LSAMP: variants seen among roughly 807,000 people sequenced by gnomAD.
The protein encoded by LSAMP is limbic system-associated membrane protein.
Under a neutral mutation model 38.6 loss-of-function variants are expected in LSAMP, and 7 were observed. That is an observed-to-expected ratio of 0.18 (90% CI 0.10 to 0.34). The LOEUF (loss-of-function observed/expected upper bound fraction) is 0.34. Among genes scored for constraint, LSAMP ranks in the 10% least tolerant of loss-of-function variants. The pLI is 1.00. For missense variants in LSAMP, 313 were observed against 420.0 expected (o/e 0.75, Z 2.23); for synonymous variants, 154 against 166.8 (o/e 0.92, Z 0.59).
chr3:116,214,482 A>G (rs1333350711), intron 1 of LSAMP, among the ~76,000 whole-genome samples: 1 of 151,272 alleles, frequency 6.6e-6, no homozygotes, highest in African/African-American at 2.4e-5. Context: ...GCCCTCAAAT[A>G]AAGAGTAAAA....
chr3:115,973,924 A>G (rs1420785096), intron 3 of LSAMP, among the ~76,000 whole-genome samples: 5 of 152,192 alleles, frequency 3.3e-5, no homozygotes, highest in African/African-American at 4.8e-5. Flanking sequence ...TGAATTTTGA[A>G]TTTTTGAATT....
At chr3:115,930,008 T>TTG (rs1937556162) in intron 3 of LSAMP, among the ~76,000 whole-genome samples, 1 of 136,472 alleles carries the variant, frequency 7.3e-6, no homozygotes, top group African/African-American at 2.7e-5. Flanking sequence ...AGAAGTTTTT[T>TTG]TTTTTTTTTT....
In LSAMP at chr3:115,804,106, T is replaced by G. The variant is rs1933576930; in HGVS notation, c.*6211A>C. ...CCTTCTCTACACTGCTATAAAGTTT[T>G]GATCAGAAAAAATTTACAGACCCAG... On this transcript the variant is annotated 3_prime_UTR_variant, in exon 7 of 7. Coordinates refer to ENST00000490035, the MANE Select transcript of LSAMP (RefSeq NM_002338.5). 2 of 152,208 alleles carry G rather than the reference T, an allele frequency of 1.3e-5. No individual in the cohort carries two copies. The highest frequency in any genetic ancestry group is 2.9e-5 in the Non-Finnish European group (2 of 68,028). The allele number at this position is 152,208 out of a possible 1,614,324, so 9.4% of individuals were successfully genotyped here.
At chr3:116,303,079 C>T (rs2047436082) in intron 1 of LSAMP, among the ~76,000 whole-genome samples, 2 of 151,278 alleles carry the variant, frequency 1.3e-5, no homozygotes, top group African/African-American at 4.8e-5. Context: ...AATTAATGTG[C>T]ACCCATGAAT....
chr3:115,968,901 C>G (rs899176061), intron 3 of LSAMP, among the ~76,000 whole-genome samples: 1 of 152,200 alleles, frequency 6.6e-6, no homozygotes, highest in Non-Finnish European at 1.5e-5. Flanking sequence ...TCCCCTCTGG[C>G]TAGGACTGAC....
intron 6 of LSAMP, among the ~76,000 whole-genome samples, chr3:115,820,526 C>T (rs1162230979): frequency 2.0e-5 from 3 of 152,252 alleles, no homozygotes; most frequent in East Asian, 3.9e-4. Flanking sequence ...GCAAGTGCCT[C>T]GAGACATTTA....
intron 1 of LSAMP, among the ~76,000 whole-genome samples, chr3:116,107,939 T>C (rs1708506047): frequency 6.6e-6 from 1 of 152,200 alleles, no homozygotes; most frequent in Non-Finnish European, 1.5e-5. Flanking sequence ...ATGGCTTGTC[T>C]GGTTTTAGGA....
At chr3:115,884,255 A>C (rs1936395050) in intron 3 of LSAMP, among the ~76,000 whole-genome samples, 2 of 152,046 alleles carry the variant, frequency 1.3e-5, no homozygotes, top group Admixed American at 1.3e-4. Context: ...AGGCTGAATT[A>C]AGCAGTTTTT....
intron 3 of LSAMP, among the ~76,000 whole-genome samples, chr3:115,964,200 G>T (rs1035455373): frequency 5.3e-5 from 8 of 151,986 alleles, no homozygotes; most frequent in African/African-American, 1.9e-4. Context: ...ATTTTATTTG[G>T]TTTTAAATAG....
intron 6 of LSAMP, among the ~76,000 whole-genome samples, chr3:115,832,565 G>C (rs1448568008): frequency 6.6e-6 from 1 of 152,014 alleles, no homozygotes; most frequent in Non-Finnish European, 1.5e-5. Flanking sequence ...ATTTCGCTTG[G>C]GTTAACCTCG....
intron 3 of LSAMP, among the ~76,000 whole-genome samples, chr3:115,867,664 G>A (rs1403505622): frequency 6.6e-6 from 1 of 152,050 alleles, no homozygotes; most frequent in Non-Finnish European, 1.5e-5. Flanking sequence ...AAGAAGAGCA[G>A]GAAGAAAATG....
At chr3:116,222,446 C>T (rs1392370845) in intron 1 of LSAMP, among the ~76,000 whole-genome samples, 1 of 151,988 alleles carries the variant, frequency 6.6e-6, no homozygotes, top group Non-Finnish European at 1.5e-5. Flanking sequence ...TTTATATCTA[C>T]CGATTTAAAT....
At chr3:116,209,741 A>ATTATTTAT (rs756155084) in intron 1 of LSAMP, among the ~76,000 whole-genome samples, 7 of 151,394 alleles carry the variant, frequency 4.6e-5, no homozygotes, top group Non-Finnish European at 7.4e-5. Flanking sequence ...GGATTTATTT[A>ATTATTTAT]TTATTTATTT....
intron 1 of LSAMP, among the ~76,000 whole-genome samples, chr3:116,143,130 C>A (rs1483705619): frequency 1.1e-4 from 16 of 151,476 alleles, no homozygotes; most frequent in Admixed American, 1.1e-3. Context: ...CGTATTCCCT[C>A]CAAGTGTTCC....
At chr3:115,932,437 A>G (rs2107542857) in intron 3 of LSAMP, among the ~76,000 whole-genome samples, 1 of 152,358 alleles carries the variant, frequency 6.6e-6, no homozygotes, top group East Asian at 1.9e-4. Context: ...TCTGGTGAGA[A>G]AGGGGAGTAT....
At chr3:116,303,432 T>C (rs1240574437) in intron 1 of LSAMP, among the ~76,000 whole-genome samples, 1 of 152,228 alleles carries the variant, frequency 6.6e-6, no homozygotes, top group African/African-American at 2.4e-5. Flanking sequence ...TGTTGGCATA[T>C]AGGCATTACA....
chr3:115,854,853 T>TATA, intron 3 of LSAMP, among the ~76,000 whole-genome samples: 1 of 152,328 alleles, frequency 6.6e-6, no homozygotes. Context: ...CAGAAATAGG[T>TATA]ATAAGCTCAT....
chr3:115,937,323 A>G (rs1311000852), intron 3 of LSAMP, among the ~76,000 whole-genome samples: 1 of 152,172 alleles, frequency 6.6e-6, no homozygotes, highest in Non-Finnish European at 1.5e-5. Flanking sequence ...GTAGTTTAAA[A>G]AATCAAAACA....
At chr3:116,209,530 A>G (rs1370217176) in intron 1 of LSAMP, among the ~76,000 whole-genome samples, 2 of 152,184 alleles carry the variant, frequency 1.3e-5, no homozygotes, top group Non-Finnish European at 2.9e-5. Flanking sequence ...TATGGAAGCC[A>G]GTAAGGTTCA....
Sources: allele counts gnomAD v4.1 joint callset (sites outside exome capture counted in the v4.1 genomes callset), GRCh38; gene constraint gnomAD v4.1.1; transcripts MANE v1.5; gene names NCBI Gene and HGNC (gene_info 2026-07-23, HGNC 2026-07-21).